Variants in CD99L2 observed in about 807,000 individuals in gnomAD.
CD99L2 encodes the protein CD99 molecule like 2.
Under a neutral mutation model 27.3 loss-of-function variants are expected in CD99L2, and 24 were observed. The observed-to-expected ratio is 0.88, with a 90% CI of 0.64 to 1.24. The LOEUF is 1.24. CD99L2 is among the 50% of genes most tolerant of loss of function. The pLI is 0.00. For missense variants in CD99L2, 255 were observed against 221.6 expected, an observed-to-expected ratio of 1.15 and a Z score of -0.96; for synonymous variants, 97 against 87.9, an observed-to-expected ratio of 1.10 and a Z score of -0.58.
chrX:150,878,046 C>T (rs1162809967), intron 1 of CD99L2, among the ~76,000 whole-genome samples: 1 of 106,276 alleles, frequency 9.4e-6, no homozygotes, highest in African/African-American at 3.5e-5. Flanking sequence ...ACTTAGAGAA[C>T]ATAGTAGGGG....
At chrX:150,830,559 GAA>G (rs56361773) in intron 2 of CD99L2, among the ~76,000 whole-genome samples, 3 of 102,929 alleles carry the variant, frequency 2.9e-5, no homozygotes, top group African/African-American at 7.1e-5. Flanking sequence ...CCTGTGTCAA[GAA>G]AAAAAAAAAG....
intron 1 of CD99L2, among the ~76,000 whole-genome samples, chrX:150,887,141 CAA>C (rs58847466): frequency 0.031 from 2,474 of 78,666 alleles, 94 homozygotes; most frequent in African/African-American, 0.11. Flanking sequence ...GAGACTCTGT[CAA>C]AAAAAAAAAA....
intron 4 of CD99L2, among the ~76,000 whole-genome samples, chrX:150,803,048 A>T (rs1313450150): frequency 9.4e-6 from 1 of 105,962 alleles, no homozygotes; most frequent in Non-Finnish European, 1.9e-5. Flanking sequence ...GATGCGTGCC[A>T]CTACACCCCG....
At chrX:150,851,036 A>C (rs1288259822) in intron 1 of CD99L2, among the ~76,000 whole-genome samples, 1 of 110,980 alleles carries the variant, frequency 9.0e-6, no homozygotes, top group East Asian at 2.8e-4. Context: ...ACAGGGTTTC[A>C]CCATGTTGGC....
At position 150,832,866 on chromosome X, in the gene CD99L2, G is replaced by A. The variant is rs995990075; in HGVS notation, c.68-1573C>T. On this transcript the variant is annotated intron_variant, in intron 1 of 10. Transcript: ENST00000370377. ...AGATCGAGACCATCCTGGCTAACAC[G>A]GTGAAAACCCGTCTCTACTAAAAAT... Among the ~76,000 whole-genome samples, 8 of 110,788 alleles carry A rather than the reference G, an allele frequency of 7.2e-5. No individual in the cohort carries two copies. In the South Asian group the frequency reaches 2.3e-3, roughly 32 times the overall value.
At chrX:150,818,116 C>T (rs782251337) in intron 2 of CD99L2, among the ~76,000 whole-genome samples, 4 of 105,571 alleles carry the variant, frequency 3.8e-5, no homozygotes, top group Admixed American at 1.0e-4. Flanking sequence ...CAAAAAATTG[C>T]AAAATTGAAG....
chrX:150,777,823 G>T (rs782212707), intron 7 of CD99L2, among the ~76,000 whole-genome samples: 2 of 112,134 alleles, frequency 1.8e-5, no homozygotes, highest in South Asian at 3.7e-4. Context: ...CACCATAAGT[G>T]GGGGGTGGGG....
chrX:150,860,581 C>T (rs1426741963), intron 1 of CD99L2, among the ~76,000 whole-genome samples: 2 of 111,838 alleles, frequency 1.8e-5, no homozygotes, highest in African/African-American at 3.3e-5. Context: ...AAAAACTTTA[C>T]CAAAACAACT....
At chrX:150,840,934 G>A (rs1286995461) in intron 1 of CD99L2, among the ~76,000 whole-genome samples, 1 of 109,841 alleles carries the variant, frequency 9.1e-6, no homozygotes, top group African/African-American at 3.3e-5. Context: ...TGGCTTGGTG[G>A]GGGAAAAAAA....
At position 150,875,184 on chromosome X, in the gene CD99L2, AT is replaced by A. The variant is rs782448720; in HGVS notation, c.67+23337del. 2.1e-4 allele frequency among the ~76,000 whole-genome samples: 24 copies of A among 112,071 alleles called. No homozygotes were observed. In the South Asian group the frequency reaches 7.5e-3, roughly 35 times the overall value. On this transcript the variant is annotated intron_variant, in intron 1 of 10. Transcript: ENST00000370377. Reference sequence around the variant, plus strand: ...ATTATATTATTTAATTGAAATTTTTATTGAGATAATTACAGATTCACAGACA... The same window carrying A: ...ATTATATTATTTAATTGAAATTTTTATGAGATAATTACAGATTCACAGACA...
intron 1 of CD99L2, among the ~76,000 whole-genome samples, chrX:150,855,436 G>T (rs1603306677): frequency 8.9e-6 from 1 of 111,808 alleles, no homozygotes; most frequent in South Asian, 3.8e-4. Context: ...TAGGTAAAGG[G>T]GAAGCAGGCA....
intron 1 of CD99L2, among the ~76,000 whole-genome samples, chrX:150,871,818 T>C (rs1299916314): frequency 8.9e-6 from 1 of 112,136 alleles, no homozygotes; most frequent in Non-Finnish European, 1.9e-5. Context: ...TGCTGACACA[T>C]ACAGTACGGC....
intron 7 of CD99L2, among the ~76,000 whole-genome samples, chrX:150,791,293 G>A (rs782232276): frequency 3.6e-5 from 4 of 111,683 alleles, no homozygotes; most frequent in African/African-American, 6.5e-5. Flanking sequence ...TAGAAGTAGC[G>A]ATATACCACT....
At chrX:150,802,788 A>G (rs1217061196) in intron 4 of CD99L2, among the ~76,000 whole-genome samples, 5 of 99,257 alleles carry the variant, frequency 5.0e-5, no homozygotes, top group Non-Finnish European at 8.0e-5. Context: ...TCACCGTGTT[A>G]GCCAGGATGG....
chrX:150,811,078 T>C (rs148248856), intron 4 of CD99L2, among the ~76,000 whole-genome samples: 262 of 111,666 alleles, frequency 2.3e-3, no homozygotes, highest in African/African-American at 7.6e-3. Context: ...AACTCACCAA[T>C]AAAAACACAA....
intron 4 of CD99L2, among the ~76,000 whole-genome samples, chrX:150,798,056 AAGAAGGAGAAGAAGG>A (rs1268185898): frequency 2.2e-5 from 2 of 89,088 alleles, no homozygotes; most frequent in African/African-American, 8.3e-5. Context: ...AAAGAAGAAG[AAGAAGGAGAAGAAGG>A]AGAAGGAGAA....
intron 1 of CD99L2, among the ~76,000 whole-genome samples, chrX:150,833,047 T>A: frequency 1.1e-5 from 1 of 92,715 alleles, no homozygotes. Context: ...AGAGCGAGAC[T>A]CTGTCTCAAA....
At chrX:150,814,498 G>A (rs1311404508) in intron 4 of CD99L2, among the ~76,000 whole-genome samples, 9 of 112,313 alleles carry the variant, frequency 8.0e-5, no homozygotes, top group Non-Finnish European at 1.7e-4. Flanking sequence ...ATGTAACAGC[G>A]TGCCGCTCTC....
At chrX:150,866,014 T>TGAAGTG (rs2047055336) in intron 1 of CD99L2, among the ~76,000 whole-genome samples, 6 of 111,792 alleles carry the variant, frequency 5.4e-5, no homozygotes, top group Non-Finnish European at 1.1e-4. Flanking sequence ...CGTGCTACTC[T>TGAAGTG]GGAGGCTGAA....
Sources: allele counts gnomAD v4.1 joint callset (sites outside exome capture counted in the v4.1 genomes callset), GRCh38; gene constraint gnomAD v4.1.1; transcripts MANE v1.5; gene names NCBI Gene and HGNC (gene_info 2026-07-23, HGNC 2026-07-21).